Variants in FAM199X observed in about 807,000 individuals in gnomAD.
FAM199X encodes the protein family with sequence similarity 199, X-linked, also known as protein FAM199X.
FAM199X carries 4 observed loss-of-function variants against 22.9 expected under a neutral mutation model. The observed-to-expected ratio is 0.17, with a 90% CI of 0.09 to 0.40. The LOEUF is 0.40. Ranked by LOEUF, FAM199X falls within the 10% of genes least tolerant of loss-of-function variation. The pLI, the probability that FAM199X is intolerant of heterozygous loss-of-function variation, is 1.00. For missense variants in FAM199X, 183 were observed against 306.8 expected, an observed-to-expected ratio of 0.60 and a Z score of 3.01; for synonymous variants, 101 against 112.3, an observed-to-expected ratio of 0.90 and a Z score of 0.64.
chrX:104,164,198 A>G (rs1234895523), upstream of FAM199X, among the ~76,000 whole-genome samples: 2 of 112,150 alleles, frequency 1.8e-5, no homozygotes, highest in African/African-American at 6.5e-5. Context: ...TGAACATACT[A>G]CTGACTGGCA....
At chrX:104,166,190 T>C (rs1921172780), upstream of FAM199X, among the ~76,000 whole-genome samples, 1 of 113,044 alleles carries the variant, frequency 8.8e-6, no homozygotes, top group African/African-American at 3.2e-5. Context: ...GCACCCGCAG[T>C]GTGACCTTGG....
chrX:104,158,227 A>T, the FAM199X span, among the ~76,000 whole-genome samples: 1 of 111,605 alleles, frequency 9.0e-6, no homozygotes, highest in East Asian at 2.8e-4. Flanking sequence ...ATGCCCATAC[A>T]GAAAGACTAG....
rs1556375622 is a variant in FAM199X, at chrX:104,172,718, G to GTCCGGGCTGGTT, written c.198-2903_198-2902insCGGGCTGGTTTC. ...CATCTTTTTTTTTTTTTTAAGGAAT[G>GTCCGGGCTGGTT]TCACTATTACTCATGGAGAGAAACA... On this transcript the variant is annotated intron_variant, in intron 1 of 5. Transcript: ENST00000493442. 1.6e-4 allele frequency among the ~76,000 whole-genome samples: 17 copies of GTCCGGGCTGGTT among 106,057 alleles called. No individual in the cohort carries two copies. The Admixed American group carries it at 1.7e-3, about 11-fold the overall frequency. 92.1% of individuals were successfully genotyped at this position (106,057 alleles called of 115,157 possible).
intron 5 of FAM199X, among the ~76,000 whole-genome samples, chrX:104,188,738 T>TA (rs1309686338): frequency 9.0e-6 from 1 of 111,661 alleles, no homozygotes; most frequent in Non-Finnish European, 1.9e-5. Flanking sequence ...TTAGCTAATT[T>TA]AAAAATCTAA....
intron 2 of FAM199X, among the ~76,000 whole-genome samples, chrX:104,176,429 A>G (rs1440458443): frequency 8.9e-6 from 1 of 112,472 alleles, no homozygotes; most frequent in Non-Finnish European, 1.9e-5. Context: ...GTGTTATTAC[A>G]ACATTCATAT....
At position 104,166,856 on chromosome X, in the gene FAM199X, T is replaced by A; in HGVS notation, c.71T>A (p.Leu24Gln). Reference protein sequence around the residue: ...FLTPEEPFPLLGPPRGVGTCP... With the variant: ...FLTPEEPFPLQGPPRGVGTCP... The stretch of plus-strand genomic sequence containing the variant: ...ACCCCCGAGGAGCCCTTCCCACTCC[T>A]GGGACCTCCTCGCGGGGTGGGCACC... Residue 24 changes from leucine to glutamine, a missense_variant, in exon 1 of 6, where the codon CTG (leucine) becomes CAG (glutamine). By Grantham distance (113) the Leu-to-Gln change is moderately radical. Transcript: ENST00000493442. 2 of 1,207,568 alleles carry A rather than the reference T, an allele frequency of 1.7e-6. No homozygotes were observed. Among genetic ancestry groups the A allele is most frequent in the African/African-American group, 1.7e-5 (1 of 57,719 alleles).
At chrX:104,161,271 CAAAT>C in the FAM199X span, among the ~76,000 whole-genome samples, 1 of 111,826 alleles carries the variant, frequency 8.9e-6, no homozygotes, top group African/African-American at 3.2e-5. Flanking sequence ...CTACATTAGT[CAAAT>C]AAATTACAAT....
intron 5 of FAM199X, among the ~76,000 whole-genome samples, chrX:104,188,617 C>T (rs1397729018): frequency 4.5e-5 from 5 of 112,134 alleles, no homozygotes; most frequent in East Asian, 2.8e-4. Context: ...CACTACTGAG[C>T]GAATCTCACT....
chrX:104,170,270 A>G (rs909016899), intron 1 of FAM199X, among the ~76,000 whole-genome samples: 3 of 112,205 alleles, frequency 2.7e-5, no homozygotes, highest in Non-Finnish European at 5.6e-5. Context: ...GGTAACACCC[A>G]TAGTTTTCCT....
rs782294531 is a variant in FAM199X, at chrX:104,171,625, A to G, written c.198-3998A>G. Among the ~76,000 whole-genome samples the G allele has an allele frequency of 5.3e-5, 6 of 112,398 alleles. No individual in the cohort carries two copies. The South Asian group carries it at 1.1e-3, about 21-fold the overall frequency. On this transcript the variant is annotated intron_variant, in intron 1 of 5. Coordinates refer to ENST00000493442, the MANE Select transcript of FAM199X (RefSeq NM_207318.4). ...ATCCTTTTCCCCAAAGGTAACAACT[A>G]TCAACATTTTGATGTTTCTTTTAAT...
At chrX:104,157,455 C>T in the FAM199X span, among the ~76,000 whole-genome samples, 2 of 111,506 alleles carry the variant, frequency 1.8e-5, no homozygotes, top group African/African-American at 6.5e-5. Context: ...TTCGAATCCC[C>T]ACTGTACCAC....
chrX:104,183,535 G>T (rs1339592584), intron 2 of FAM199X, among the ~76,000 whole-genome samples: 2 of 110,260 alleles, frequency 1.8e-5, no homozygotes, highest in African/African-American at 6.6e-5. Context: ...CACGATCTCG[G>T]CTCACTGCAA....
intron 2 of FAM199X, among the ~76,000 whole-genome samples, chrX:104,185,570 G>A (rs6652895): frequency 8.9e-6 from 1 of 111,924 alleles, no homozygotes; most frequent in Non-Finnish European, 1.9e-5. Flanking sequence ...GCATGGATCA[G>A]AATTAATGTC....
In FAM199X at chrX:104,186,113, C is replaced by T; in HGVS notation, c.465C>T (p.Val155=). The change falls in exon 3 of 6, where the codon GTC becomes GTT. Residue 155 remains valine, a synonymous_variant. Coordinates refer to ENST00000493442, the MANE Select transcript of FAM199X (RefSeq NM_207318.4). Reference sequence around the variant, plus strand: ...GTGGGAGTGATGTACTTTCTGATGTCATACCCAGTATTCCAAGTTCACCTT... The same window carrying T: ...GTGGGAGTGATGTACTTTCTGATGTTATACCCAGTATTCCAAGTTCACCTT... ...IASGSDVLSD[V]IPSIPSSPCL... The T allele has an allele frequency of 8.3e-7, 1 of 1,210,426 alleles. No individual in the cohort carries two copies. The highest frequency in any genetic ancestry group is 1.8e-5 in the South Asian group (1 of 56,855).
At position 104,194,508 on chromosome X, in the gene FAM199X, CTG is replaced by C. The variant is rs1461977642; in HGVS notation, c.*4731_*4732del. ...CAGTAGCTGACCTATTGGATTTAAA[CTG>C]AGACTGAAATTGACATTTGTGGTTA... On this transcript the variant is annotated 3_prime_UTR_variant, in exon 6 of 6. Transcript: ENST00000493442. 8.9e-6 allele frequency: 1 copy of C among 112,238 alleles called. No individual in the cohort carries two copies. The highest frequency in any genetic ancestry group is 1.9e-5 in the Non-Finnish European group (1 of 53,128). 9.2% of individuals were successfully genotyped at this position (112,238 alleles called of 1,213,427 possible). A position where few individuals can be genotyped will look rare whatever the true frequency, so the allele number is the denominator to read the frequency against.
the FAM199X span, among the ~76,000 whole-genome samples, chrX:104,158,747 T>C: frequency 8.9e-6 from 1 of 112,114 alleles, no homozygotes; most frequent in Non-Finnish European, 1.9e-5. Flanking sequence ...CAATGGTTTT[T>C]TCAGGGGAAG....
Position 104,194,973 on chromosome X carries a change from A to G in FAM199X, c.*5195A>G, listed in dbSNP as rs1922022795. On this transcript the variant is annotated 3_prime_UTR_variant, in exon 6 of 6. Coordinates refer to ENST00000493442, the MANE Select transcript of FAM199X (RefSeq NM_207318.4). ...GTCTTCTGTACATTCTGTACTTACTACAGTGTATATAAAGCCTGTTTTCCC... is the reference window on the plus strand; with the variant it reads ...GTCTTCTGTACATTCTGTACTTACTGCAGTGTATATAAAGCCTGTTTTCCC... The G allele has an allele frequency of 9.1e-6, 1 of 109,832 alleles. No homozygotes were observed. Among genetic ancestry groups the G allele is most frequent in the Non-Finnish European group, 1.9e-5 (1 of 52,669 alleles). The allele number at this position is 109,832 out of a possible 1,213,427, so 9.1% of individuals were successfully genotyped here. A position where few individuals can be genotyped will look rare whatever the true frequency, so the allele number is the denominator to read the frequency against.
At position 104,186,635 on chromosome X, in the gene FAM199X, A is replaced by T; in HGVS notation, c.729+14A>T. On this transcript the variant is annotated intron_variant, in intron 4 of 5. Transcript: ENST00000493442. ...AAACTGAAGCAGGTATGTAAAGAAA[A>T]TACAGATTATTTACCTATTAAAAAT... The T allele has an allele frequency of 8.6e-7, 1 of 1,167,742 alleles. No homozygotes were observed. Among genetic ancestry groups the T allele is most frequent in the Non-Finnish European group, 1.2e-6 (1 of 864,153 alleles).
rs782568772 is a variant in FAM199X, at chrX:104,178,405, G to A, written c.417+2563G>A. ...TGGTCTTGAACTCCTGACCTCAGGC[G>A]ATCTGCCTGCCTCGGCCTCCCAAAG... On this transcript the variant is annotated intron_variant, in intron 2 of 5. Transcript: ENST00000493442. Among the ~76,000 whole-genome samples, 9 of 111,215 alleles carry A rather than the reference G, an allele frequency of 8.1e-5. No homozygotes were observed. In the East Asian group the frequency reaches 1.7e-3, roughly 21 times the overall value.
Sources: allele counts gnomAD v4.1 joint callset (sites outside exome capture counted in the v4.1 genomes callset), GRCh38; gene constraint gnomAD v4.1.1; transcripts MANE v1.5; gene names NCBI Gene and HGNC (gene_info 2026-07-23, HGNC 2026-07-21).